Variants in BCAS1 observed in about 807,000 individuals in gnomAD.
BCAS1 encodes the protein brain enriched myelin associated protein 1.
In BCAS1, 46 loss-of-function variants were observed where a neutral mutation model predicts 65.4. The ratio of observed to expected loss-of-function variants is 0.70; its 90% CI spans 0.55 to 0.90. The LOEUF (loss-of-function observed/expected upper bound fraction) is 0.90, where lower values mean the gene tolerates loss of function less well. Among genes scored for constraint, BCAS1 ranks in the 40% least tolerant of loss-of-function variants. BCAS1 has a pLI of 0.00. For synonymous variants in BCAS1, 298 were observed against 293.5 expected (o/e 1.02, Z -0.16); for missense variants, 793 against 771.2 (o/e 1.03, Z -0.33).
At chr20:53,978,440 C>T (rs909469158) in intron 8 of BCAS1, among the ~76,000 whole-genome samples, 13 of 151,944 alleles carry the variant, frequency 8.6e-5, no homozygotes, top group Non-Finnish European at 1.3e-4. Context: ...AATAGTAGTA[C>T]GTATTAAAAA....
At chr20:54,002,695 T>C (rs2091085764) in intron 4 of BCAS1, among the ~76,000 whole-genome samples, 1 of 151,714 alleles carries the variant, frequency 6.6e-6, no homozygotes, top group Non-Finnish European at 1.5e-5. Flanking sequence ...GATCTTTTTA[T>C]ATTAATTAGT....
chr20:54,034,051 A>T (rs1270003830), intron 3 of BCAS1, among the ~76,000 whole-genome samples: 1 of 151,464 alleles, frequency 6.6e-6, no homozygotes, highest in Non-Finnish European at 1.5e-5. Flanking sequence ...ATCTCAACAG[A>T]TGCAGAAAAG....
At chr20:53,967,192 A>T (rs2090057266) in intron 9 of BCAS1, 119 bp from the exon 10 acceptor site, 2 of 1,037,280 alleles carry the variant, frequency 1.9e-6, no homozygotes, top group African/African-American at 3.2e-5. Context: ...TTTTGAATCT[A>T]TGACCATTTC....
At chr20:54,017,520 T>C (rs144006717) in intron 4 of BCAS1, among the ~76,000 whole-genome samples, 136 of 151,958 alleles carry the variant, frequency 8.9e-4, no homozygotes, top group Middle Eastern at 3.4e-3. Flanking sequence ...CTCAGCTTCC[T>C]GAGTAGCTGA....
chr20:54,061,232 T>A lies in BCAS1; in HGVS notation c.-5-2509A>T, dbSNP rs367953469. ...GCAAGATTCAAACACAGTCTGGCTG[T>A]GCTCCTAACCACCGGAATGTTCTGC... On this transcript the variant is annotated intron_variant, in intron 1 of 12. Transcript: ENST00000688948. 1.6e-4 allele frequency among the ~76,000 whole-genome samples: 24 copies of A among 152,306 alleles called. No individual in the cohort carries two copies. In the South Asian group the frequency reaches 5.0e-3, roughly 32 times the overall value.
rs1206890502 is a variant in BCAS1 at position 53,943,554 on chromosome 20, G to A, written c.*1368C>T. On this transcript the variant is annotated 3_prime_UTR_variant, in exon 13 of 13. Coordinates refer to ENST00000688948, the MANE Select transcript of BCAS1 (RefSeq NM_001366298.2). The stretch of plus-strand genomic sequence containing the variant: ...ATTAAAAGATACTTTAGAAGTAAAT[G>A]TATTTTTTATTAAATCAGAAAAAGA... 1.3e-5 allele frequency: 2 copies of A among 152,298 alleles called. No individual in the cohort carries two copies. Among genetic ancestry groups the A allele is most frequent in the South Asian group, 2.1e-4 (1 of 4,822 alleles). 9.4% of individuals were successfully genotyped at this position (152,298 alleles called of 1,614,324 possible). A position where few individuals can be genotyped will look rare whatever the true frequency, so the allele number is the denominator to read the frequency against.
At chr20:54,041,909 C>CAAAAAAAAAA (rs796435949) in intron 3 of BCAS1, among the ~76,000 whole-genome samples, 8 of 79,762 alleles carry the variant, frequency 1.0e-4, no homozygotes, top group Admixed American at 1.7e-4. Flanking sequence ...CTGTCTCCCC[C>CAAAAAAAAAA]AAAAAAAAAA....
chr20:54,004,941 G>A (rs1395528522), intron 4 of BCAS1, among the ~76,000 whole-genome samples: 2 of 152,204 alleles, frequency 1.3e-5, no homozygotes, highest in African/African-American at 4.8e-5. Flanking sequence ...GGGTTGTTGA[G>A]GGAGTAAATG....
chr20:53,966,204 A>G (rs1039426745), intron 10 of BCAS1, among the ~76,000 whole-genome samples: 1 of 152,252 alleles, frequency 6.6e-6, no homozygotes. Flanking sequence ...ACAATTCACA[A>G]TTGCAAAGAT....
Position 53,944,016 on chromosome 20 carries a change from C to CA in BCAS1, c.*905dup, listed in dbSNP as rs2089227659. 2.0e-5 allele frequency: 3 copies of CA among 151,816 alleles called. No individual in the cohort carries two copies. The South Asian group carries it at 6.2e-4, about 32-fold the overall frequency. 9.4% of individuals were successfully genotyped at this position (151,816 alleles called of 1,614,324 possible). ...TGCCGTTGTCACTGAGCCTCAAAAG[C>CA]AATTGTTTTCCCAAATCATTTTAAG... On this transcript the variant is annotated 3_prime_UTR_variant, in exon 13 of 13. Transcript: ENST00000688948.
At chr20:54,006,017 T>C (rs542054561) in intron 4 of BCAS1, among the ~76,000 whole-genome samples, 6 of 152,124 alleles carry the variant, frequency 3.9e-5, no homozygotes, top group East Asian at 1.9e-4. Flanking sequence ...GTAGGTGCCA[T>C]GGAAGGTGTT....
At chr20:54,011,103 C>T (rs2091309978) in intron 4 of BCAS1, among the ~76,000 whole-genome samples, 1 of 151,966 alleles carries the variant, frequency 6.6e-6, no homozygotes, top group Non-Finnish European at 1.5e-5. Flanking sequence ...TGGACTTAAA[C>T]ATAAAACCTC....
At chr20:53,953,310 T>A in intron 12 of BCAS1, 122 bp downstream of exon 12, 1 of 1,271,180 alleles carries the variant, frequency 7.9e-7, no homozygotes, top group South Asian at 1.5e-5. Flanking sequence ...TCAAAAACCC[T>A]GAGTGATAGA....
chr20:54,000,573 C>T (rs1242326099), intron 4 of BCAS1, among the ~76,000 whole-genome samples: 4 of 152,258 alleles, frequency 2.6e-5, no homozygotes, highest in East Asian at 1.9e-4. Context: ...CTCCTTTTCT[C>T]TCCTTTCATG....
At chr20:53,956,251 C>T (rs2089695204) in intron 11 of BCAS1, among the ~76,000 whole-genome samples, 1 of 152,078 alleles carries the variant, frequency 6.6e-6, no homozygotes, top group South Asian at 2.1e-4. Context: ...GATTAGTGTC[C>T]TTATAAGAAG....
intron 4 of BCAS1, among the ~76,000 whole-genome samples, chr20:54,000,505 A>G (rs2145882883): frequency 6.6e-6 from 1 of 152,358 alleles, no homozygotes; most frequent in African/African-American, 2.4e-5. Context: ...GATTTAATCC[A>G]AGTGAGAGTA....
chr20:53,974,172 T>A (rs1342047742), intron 9 of BCAS1, among the ~76,000 whole-genome samples: 4 of 152,160 alleles, frequency 2.6e-5, no homozygotes, highest in African/African-American at 4.8e-5. Context: ...ATTAGCAGGA[T>A]GTGGGCGGGG....
At chr20:53,982,248 TAG>T (rs1456467719) in intron 8 of BCAS1, among the ~76,000 whole-genome samples, 2 of 152,162 alleles carry the variant, frequency 1.3e-5, no homozygotes, top group Non-Finnish European at 2.9e-5. Flanking sequence ...GAAACTCAAA[TAG>T]TGTAAATAAC....
chr20:54,001,895 T>C (rs2091064189), intron 4 of BCAS1, among the ~76,000 whole-genome samples: 1 of 152,182 alleles, frequency 6.6e-6, no homozygotes, highest in Non-Finnish European at 1.5e-5. Context: ...TCGTGTCTAG[T>C]CTAGGAAGCT....
Sources: gnomAD v4.1 joint callset for allele counts (sites outside exome capture counted in the v4.1 genomes callset) on GRCh38, gnomAD v4.1.1 for gene constraint, MANE v1.5 for transcripts, NCBI Gene and HGNC (gene_info 2026-07-23, HGNC 2026-07-21) for gene names.